The following ABCA13 variants were observed in gnomAD, a reference collection of about 807,000 sequenced individuals.
ABCA13 encodes the protein ATP binding cassette subfamily A member 13.
A neutral mutation model predicts 478.7 loss-of-function variants in ABCA13; 476 were observed. The ratio of observed to expected loss-of-function variants is 0.99; its 90% CI spans 0.92 to 1.07. ABCA13 has a LOEUF of 1.07. Among genes scored for constraint, ABCA13 ranks in the 50% least tolerant of loss-of-function variants. ABCA13 has a pLI of 0.00. For synonymous variants in ABCA13, 2,252 were observed against 2,158.9 expected, an observed-to-expected ratio of 1.04 and a Z score of -1.20; for missense variants, 6,060 against 5,910.6, an observed-to-expected ratio of 1.03 and a Z score of -0.83.
At chr7:48,327,333 A>G (rs576595749) in intron 27 of ABCA13, among the ~76,000 whole-genome samples, 1 of 152,270 alleles carries the variant, frequency 6.6e-6, no homozygotes, top group Non-Finnish European at 1.5e-5. Context: ...CTATCACAAG[A>G]ATAGCATGGG....
chr7:48,320,986 T>A (rs1803365291), intron 27 of ABCA13, among the ~76,000 whole-genome samples: 1 of 152,202 alleles, frequency 6.6e-6, no homozygotes, highest in African/African-American at 2.4e-5. Context: ...TCTCCTCCCC[T>A]ACAAGTGTTA....
intron 24 of ABCA13, among the ~76,000 whole-genome samples, chr7:48,311,831 T>C (rs1343422201): frequency 1.3e-5 from 2 of 152,178 alleles, no homozygotes; most frequent in East Asian, 3.9e-4. Flanking sequence ...TCCATGTACT[T>C]TCTGATTCAC....
At chr7:48,530,886 T>C (rs931526528) in intron 55 of ABCA13, among the ~76,000 whole-genome samples, 4 of 152,224 alleles carry the variant, frequency 2.6e-5, no homozygotes, top group Admixed American at 2.6e-4. Context: ...TTCTGGATCT[T>C]AGTCTTTTGT....
At chr7:48,177,022 A>G (rs757341357) in intron 1 of ABCA13, among the ~76,000 whole-genome samples, 14 of 152,180 alleles carry the variant, frequency 9.2e-5, no homozygotes, top group Non-Finnish European at 1.3e-4. Flanking sequence ...GGTGCTAAAA[A>G]CTGAACTTGG....
intron 31 of ABCA13, among the ~76,000 whole-genome samples, chr7:48,363,086 C>A (rs1444779065): frequency 2.0e-5 from 3 of 152,096 alleles, no homozygotes; most frequent in Admixed American, 6.6e-5. Context: ...TTACCATCAG[C>A]CCTTTCACTG....
At chr7:48,242,751 A>G (rs567127828) in intron 10 of ABCA13, among the ~76,000 whole-genome samples, 18 of 152,280 alleles carry the variant, frequency 1.2e-4, no homozygotes, top group African/African-American at 3.6e-4. Context: ...CTTCAGCCTT[A>G]TTTAAATCTT....
At chr7:48,406,641 G>A (rs1000380162) in intron 39 of ABCA13, among the ~76,000 whole-genome samples, 4 of 152,294 alleles carry the variant, frequency 2.6e-5, no homozygotes, top group African/African-American at 7.2e-5. Flanking sequence ...GGGAGGCCAA[G>A]ATGGGTGGAT....
chr7:48,473,715 A>G (rs1827772156), intron 45 of ABCA13, among the ~76,000 whole-genome samples: 2 of 152,072 alleles, frequency 1.3e-5, no homozygotes, highest in South Asian at 4.1e-4. Context: ...CCCAAGGGGG[A>G]TGGGGTGGAG....
At chr7:48,468,971 G>A (rs1827180587) in intron 44 of ABCA13, among the ~76,000 whole-genome samples, 1 of 152,218 alleles carries the variant, frequency 6.6e-6, no homozygotes, top group African/African-American at 2.4e-5. Flanking sequence ...TCAACTTTTA[G>A]TAGCTGACGG....
intron 58 of ABCA13, among the ~76,000 whole-genome samples, chr7:48,603,134 G>A (rs113201986): frequency 1.3e-5 from 2 of 152,290 alleles, no homozygotes; most frequent in African/African-American, 4.8e-5. Flanking sequence ...TTAGGGTTGA[G>A]ATGATGGGGT....
At chr7:48,303,146 G>T (rs1226645277) in intron 23 of ABCA13, among the ~76,000 whole-genome samples, 1 of 152,082 alleles carries the variant, frequency 6.6e-6, no homozygotes. Flanking sequence ...CTTCTGAAAA[G>T]TGTCTGTTCA....
rs1229702866 is a variant in ABCA13 at position 48,587,219 on chromosome 7, C to T, written c.14571C>T (p.Tyr4857=). Residue 4857 remains tyrosine, a synonymous_variant, in exon 57 of 62, where the codon TAC becomes TAT. Coordinates refer to ENST00000435803, the MANE Select transcript of ABCA13 (RefSeq NM_152701.5). The part of the protein sequence containing the change: ...EAHADKPVAT[Y]SGGTKRKLST... ...ACGCGGACAAACCTGTGGCCACCTA[C>T]AGTGGGGGAACCAAGCGGAAACTCT... is the stretch of plus-strand genomic sequence containing the variant. 6.8e-6 allele frequency: 11 copies of T among 1,612,694 alleles called. No individual in the cohort carries two copies. Among genetic ancestry groups the T allele is most frequent in the Admixed American group, 1.7e-5 (1 of 59,896 alleles).
At chr7:48,426,450 C>T (rs976162969) in intron 41 of ABCA13, among the ~76,000 whole-genome samples, 8 of 152,188 alleles carry the variant, frequency 5.3e-5, no homozygotes, top group African/African-American at 1.9e-4. Context: ...TCCCTTTTTG[C>T]TTGTTTAGAG....
chr7:48,253,425 G>A (rs1288070613), intron 15 of ABCA13, among the ~76,000 whole-genome samples: 2 of 152,200 alleles, frequency 1.3e-5, no homozygotes, highest in Non-Finnish European at 2.9e-5. Flanking sequence ...ATTGTGCCAT[G>A]AAGGGGATGA....
Position 48,645,820 on chromosome 7 carries a change from T to G in ABCA13, c.*308T>G. 3.3e-6 allele frequency: 1 copy of G among 306,100 alleles called. No homozygotes were observed. Among genetic ancestry groups the G allele is most frequent in the South Asian group, 3.3e-5 (1 of 30,388 alleles). The allele number at this position is 306,100 out of a possible 1,614,324, so 19.0% of individuals were successfully genotyped here. On this transcript the variant is annotated 3_prime_UTR_variant, in exon 62 of 62. Transcript: ENST00000435803. ...TGACAGTGTCCAAACTGAGACATTC[T>G]GGAGCTGGAAAGCCTGTCACACTAG...
chr7:48,389,080 T>G lies in ABCA13; in HGVS notation c.11514T>G (p.Ser3838Arg). The change falls in exon 37 of 62, where the codon AGT becomes AGG. Residue 3838 changes from serine to arginine, a missense_variant. Physicochemically the swap from Ser to Arg is moderately radical, Grantham distance 110. Transcript: ENST00000435803. ...LQNREGELEG[S>R]APGVTLVSVT... ...ACAGGGAAGGAGAGCTTGAAGGAAGTGCCCCGGGAGTCACCCTGGTGTCTG... is the reference window on the plus strand; with the variant it reads ...ACAGGGAAGGAGAGCTTGAAGGAAGGGCCCCGGGAGTCACCCTGGTGTCTG... 1 of 1,613,906 alleles carries G rather than the reference T, an allele frequency of 6.2e-7. No homozygotes were observed. Among genetic ancestry groups the G allele is most frequent in the Non-Finnish European group, 8.5e-7 (1 of 1,179,832 alleles).
chr7:48,199,325 C>T (rs1300555225), intron 3 of ABCA13, among the ~76,000 whole-genome samples: 4 of 152,136 alleles, frequency 2.6e-5, no homozygotes, highest in East Asian at 1.9e-4. Flanking sequence ...ATTTATTTCT[C>T]ATAGTTTTGG....
At chr7:48,573,559 A>C (rs888959401) in intron 55 of ABCA13, among the ~76,000 whole-genome samples, 1 of 152,070 alleles carries the variant, frequency 6.6e-6, no homozygotes, top group African/African-American at 2.4e-5. Context: ...AAAACAAAAC[A>C]ACAACAGCAA....
intron 55 of ABCA13, among the ~76,000 whole-genome samples, chr7:48,576,327 G>T (rs1788180898): frequency 6.6e-6 from 1 of 152,168 alleles, no homozygotes; most frequent in Admixed American, 6.5e-5. Context: ...AAAAAGTGAT[G>T]TAGGCTCAGT....
Sources: allele counts gnomAD v4.1 joint callset (sites outside exome capture counted in the v4.1 genomes callset), GRCh38; gene constraint gnomAD v4.1.1; transcripts MANE v1.5; gene names NCBI Gene and HGNC (gene_info 2026-07-23, HGNC 2026-07-21).